The following EPHA6 variants were observed in gnomAD, a reference collection of about 807,000 sequenced individuals.
The protein encoded by EPHA6 is EPH receptor A6, also known as ephrin type-A receptor 6.
EPHA6 carries 50 observed loss-of-function variants against 112.0 expected under a neutral mutation model. The ratio of observed to expected loss-of-function variants is 0.45; its 90% CI spans 0.36 to 0.56. EPHA6 has a LOEUF of 0.56. Among genes scored for constraint, EPHA6 ranks in the 20% least tolerant of loss-of-function variants. The pLI, the probability that EPHA6 is intolerant of heterozygous loss-of-function variation, is 0.00. For missense variants in EPHA6, 1,280 were observed against 1,417.4 expected, an observed-to-expected ratio of 0.90 and a Z score of 1.56; for synonymous variants, 529 against 490.7, an observed-to-expected ratio of 1.08 and a Z score of -1.03.
intron 14 of EPHA6, among the ~76,000 whole-genome samples, chr3:97,658,821 A>T (rs925899312): frequency 1.3e-5 from 2 of 152,076 alleles, no homozygotes; most frequent in East Asian, 3.9e-4. Context: ...TTGTAAAAGC[A>T]TCAAACCATG....
Position 97,237,859 on chromosome 3 carries a change from A to T in EPHA6, c.1271-6093A>T, listed in dbSNP as rs2078726674. Among the ~76,000 whole-genome samples the T allele has an allele frequency of 2.0e-5, 3 of 152,020 alleles. No individual in the cohort carries two copies. The South Asian group carries it at 6.2e-4, about 32-fold the overall frequency. On this transcript the variant is annotated intron_variant, in intron 4 of 17. Coordinates refer to ENST00000389672, the MANE Select transcript of EPHA6 (RefSeq NM_001080448.3). ...TTTTCCATGGTATTAGGGAAACTGG[A>T]TAATGTTTAACTCAAAAAATCTAAG...
intron 5 of EPHA6, among the ~76,000 whole-genome samples, chr3:97,248,295 T>G (rs540194586): frequency 6.6e-6 from 1 of 152,206 alleles, no homozygotes; most frequent in African/African-American, 2.4e-5. Context: ...TTTCATAGTT[T>G]ATGTAAATGG....
intron 14 of EPHA6, among the ~76,000 whole-genome samples, chr3:97,659,930 C>T (rs1258039012): frequency 6.6e-6 from 1 of 151,912 alleles, no homozygotes; most frequent in African/African-American, 2.4e-5. Context: ...AGAAATGGCA[C>T]AGAAAGATAT....
At chr3:97,071,464 G>A (rs372867992) in intron 3 of EPHA6, among the ~76,000 whole-genome samples, 35 of 152,122 alleles carry the variant, frequency 2.3e-4, no homozygotes, top group African/African-American at 7.9e-4. Flanking sequence ...TGACTGGGGA[G>A]GCCTCAGAAT....
At chr3:97,595,274 T>C (rs191737092) in intron 12 of EPHA6, among the ~76,000 whole-genome samples, 1 of 152,284 alleles carries the variant, frequency 6.6e-6, no homozygotes, top group Admixed American at 6.5e-5. Context: ...CCAGGAAGTA[T>C]TAGCTGAAAA....
intron 6 of EPHA6, among the ~76,000 whole-genome samples, chr3:97,427,442 G>T (rs895029069): frequency 6.6e-6 from 1 of 152,166 alleles, no homozygotes; most frequent in Admixed American, 6.5e-5. Context: ...TGCAGGAACA[G>T]AAAACCAAAT....
At chr3:97,174,459 T>C (rs376541669) in intron 3 of EPHA6, among the ~76,000 whole-genome samples, 7 of 151,934 alleles carry the variant, frequency 4.6e-5, no homozygotes, top group African/African-American at 1.7e-4. Context: ...TTTTTAGATT[T>C]TTGAGGACCC....
chr3:96,827,935 G>C (rs1340094158), intron 1 of EPHA6, among the ~76,000 whole-genome samples: 4 of 152,020 alleles, frequency 2.6e-5, no homozygotes, highest in African/African-American at 9.7e-5. Context: ...AGATTCAGGG[G>C]TTGCTTTAGA....
chr3:97,042,323 G>C (rs1187593828), intron 3 of EPHA6, among the ~76,000 whole-genome samples: 1 of 151,960 alleles, frequency 6.6e-6, no homozygotes, highest in Non-Finnish European at 1.5e-5. Flanking sequence ...TGCTTCCCCT[G>C]CACCTTCCAC....
chr3:97,622,571 C>T (rs2107507313), intron 13 of EPHA6, among the ~76,000 whole-genome samples: 1 of 151,896 alleles, frequency 6.6e-6, no homozygotes, highest in South Asian at 2.1e-4. Flanking sequence ...TGCACTTTGA[C>T]ACCCTACTTT....
intron 2 of EPHA6, among the ~76,000 whole-genome samples, chr3:96,910,522 C>G (rs1388504106): frequency 6.6e-6 from 1 of 152,062 alleles, no homozygotes; most frequent in Admixed American, 6.6e-5. Flanking sequence ...TTCCAAGTGG[C>G]TAAGCCCAGC....
intron 5 of EPHA6, among the ~76,000 whole-genome samples, chr3:97,391,103 TATTATC>T (rs1296493314): frequency 1.3e-5 from 2 of 151,986 alleles, no homozygotes; most frequent in African/African-American, 4.8e-5. Flanking sequence ...CTGGCATTAC[TATTATC>T]ATTATTATAA....
chr3:97,202,602 G>T (rs912859006), intron 3 of EPHA6, among the ~76,000 whole-genome samples: 2 of 152,052 alleles, frequency 1.3e-5, no homozygotes, highest in African/African-American at 2.4e-5. Context: ...CCAAATTGCT[G>T]GGATTACAGG....
chr3:97,275,328 G>C (rs1040516658), intron 5 of EPHA6, among the ~76,000 whole-genome samples: 1 of 152,180 alleles, frequency 6.6e-6, no homozygotes, highest in Non-Finnish European at 1.5e-5. Flanking sequence ...TGAAGTAATG[G>C]GGGCTATCTG....
At chr3:97,317,923 GA>G (rs2081924294) in intron 5 of EPHA6, among the ~76,000 whole-genome samples, 1 of 151,904 alleles carries the variant, frequency 6.6e-6, no homozygotes, top group Admixed American at 6.6e-5. Context: ...GGGACTAGAG[GA>G]TTACATTTGC....
intron 14 of EPHA6, among the ~76,000 whole-genome samples, chr3:97,644,989 G>A (rs1435385022): frequency 2.6e-5 from 4 of 151,658 alleles, no homozygotes; most frequent in African/African-American, 9.7e-5. Context: ...AACCAAAAAA[G>A]AGAATTTTAG....
intron 6 of EPHA6, among the ~76,000 whole-genome samples, chr3:97,407,267 ACT>A (rs2087411864): frequency 6.6e-6 from 1 of 151,904 alleles, no homozygotes; most frequent in Non-Finnish European, 1.5e-5. Flanking sequence ...TTGTGTATGT[ACT>A]GTTATATAGA....
At chr3:96,951,714 C>T (rs1333021228) in intron 2 of EPHA6, among the ~76,000 whole-genome samples, 1 of 151,898 alleles carries the variant, frequency 6.6e-6, no homozygotes, top group Non-Finnish European at 1.5e-5. Flanking sequence ...ATCAGAGTGC[C>T]GAGGCTGTGG....
intron 5 of EPHA6, among the ~76,000 whole-genome samples, chr3:97,333,468 C>CTTTT (rs869258362): frequency 0.014 from 1,046 of 75,812 alleles, 78 homozygotes; most frequent in African/African-American, 0.047. Flanking sequence ...TATGGCTTTT[C>CTTTT]TTTTTTTTTT....
Sources: gnomAD v4.1 joint callset for allele counts (sites outside exome capture counted in the v4.1 genomes callset) on GRCh38, gnomAD v4.1.1 for gene constraint, MANE v1.5 for transcripts, NCBI Gene and HGNC (gene_info 2026-07-23, HGNC 2026-07-21) for gene names.